Variants in IKZF1 observed in about 807,000 individuals in gnomAD.
IKZF1 encodes the protein DNA-binding protein Ikaros.
Under a neutral mutation model 51.7 loss-of-function variants are expected in IKZF1, and 10 were observed. The ratio of observed to expected loss-of-function variants is 0.19; its 90% confidence interval spans 0.12 to 0.33. The LOEUF (loss-of-function observed/expected upper bound fraction) is 0.33. Ranked by LOEUF, IKZF1 falls within the 10% of genes least tolerant of loss-of-function variation. IKZF1 has a pLI of 1.00. For missense variants in IKZF1, 484 were observed against 707.5 expected, an observed-to-expected ratio of 0.68 and a Z score of 3.58; for synonymous variants, 280 against 282.3, an observed-to-expected ratio of 0.99 and a Z score of 0.08.
At chr7:50,304,069 G>C (rs892933970), upstream of IKZF1, 8 of 144,554 alleles carry the variant, frequency 5.5e-5, no homozygotes, top group African/African-American at 1.2e-4. Flanking sequence ...GCGCCGAGCG[G>C]GCCCGGCGCG....
At chr7:50,335,228 G>A (rs1230475459) in intron 3 of IKZF1, among the ~76,000 whole-genome samples, 2 of 150,894 alleles carry the variant, frequency 1.3e-5, no homozygotes, top group Non-Finnish European at 3.0e-5. Context: ...TGGTGTGTAT[G>A]TGTGTGAGAT....
chr7:50,382,172 G>A (rs936679894), intron 4 of IKZF1, among the ~76,000 whole-genome samples: 2 of 151,988 alleles, frequency 1.3e-5, no homozygotes, highest in Non-Finnish European at 2.9e-5. Context: ...TTTGAAAAAA[G>A]CCACATTAAA....
intron 4 of IKZF1, among the ~76,000 whole-genome samples, chr7:50,378,089 G>A (rs966548329): frequency 6.6e-6 from 1 of 152,208 alleles, no homozygotes; most frequent in African/African-American, 2.4e-5. Flanking sequence ...AATTTTGTGA[G>A]CCAAAAAAGC....
intron 3 of IKZF1, among the ~76,000 whole-genome samples, chr7:50,373,588 A>G (rs1226852768): frequency 6.6e-6 from 1 of 152,094 alleles, no homozygotes; most frequent in Non-Finnish European, 1.5e-5. Flanking sequence ...GTATTTGAAA[A>G]ACTTGCCACA....
rs150553595 is a variant in IKZF1, at chr7:50,352,966, A to G, written c.161-23567A>G. 1.4e-3 allele frequency among the ~76,000 whole-genome samples: 209 copies of G among 152,300 alleles called. 1 individual carries two copies. Among genetic ancestry groups the G allele is most frequent in the African/African-American group, 4.5e-3 (189 of 41,562 alleles). On this transcript the variant is annotated intron_variant, in intron 3 of 7. Transcript: ENST00000331340. ...TCTTACATATTTTAAGAATTTTTTT[A>G]TACTTTGTTTTCTGCAAATGAAATA...
At chr7:50,313,640 G>A (rs913799291) in intron 1 of IKZF1, among the ~76,000 whole-genome samples, 2 of 152,184 alleles carry the variant, frequency 1.3e-5, no homozygotes, top group Admixed American at 1.3e-4. Flanking sequence ...TCAAGTGTCA[G>A]CTCTGTGGTT....
intron 3 of IKZF1, among the ~76,000 whole-genome samples, chr7:50,348,873 G>A (rs1801079511): frequency 6.6e-6 from 1 of 152,202 alleles, no homozygotes; most frequent in Admixed American, 6.5e-5. Context: ...CCGTGGGGCA[G>A]TTTATGTTAT....
At chr7:50,356,650 T>A (rs767437017) in intron 3 of IKZF1, among the ~76,000 whole-genome samples, 1 of 152,228 alleles carries the variant, frequency 6.6e-6, no homozygotes, top group Non-Finnish European at 1.5e-5. Flanking sequence ...TACTTCCCTT[T>A]CTGTCACTTC....
intron 3 of IKZF1, among the ~76,000 whole-genome samples, chr7:50,356,480 G>C (rs538811675): frequency 2.0e-4 from 30 of 152,318 alleles, no homozygotes; most frequent in Middle Eastern, 6.8e-3. Flanking sequence ...GAGTGTGTGA[G>C]TGTGTCTTTG....
At chr7:50,345,615 A>C (rs904479291) in intron 3 of IKZF1, among the ~76,000 whole-genome samples, 5 of 152,212 alleles carry the variant, frequency 3.3e-5, no homozygotes, top group Non-Finnish European at 5.9e-5. Flanking sequence ...AGAGGGGTGA[A>C]CCAGAAGAAT....
intron 1 of IKZF1, 135 bp downstream of exon 1, chr7:50,305,057 G>A (rs1788451052): frequency 6.6e-6 from 1 of 152,500 alleles, no homozygotes; most frequent in African/African-American, 2.4e-5. Context: ...TCTTTTCTGA[G>A]GACAGTGAGA....
At chr7:50,351,656 C>G (rs557022758) in intron 3 of IKZF1, among the ~76,000 whole-genome samples, 1 of 152,270 alleles carries the variant, frequency 6.6e-6, no homozygotes, top group East Asian at 1.9e-4. Context: ...TTCTAGAGCC[C>G]CTGCACTATC....
Position 50,403,067 on chromosome 7 carries a change from G to A in IKZF1, c.*2440G>A, listed in dbSNP as rs1818415578. ...AAAGCTCAAACCAGAACTGTAAATAGTGATTGCAGGAATTCTTTTCTAAAC... is the reference window on the plus strand; with the variant it reads ...AAAGCTCAAACCAGAACTGTAAATAATGATTGCAGGAATTCTTTTCTAAAC... On this transcript the variant is annotated 3_prime_UTR_variant, in exon 8 of 8. Coordinates refer to ENST00000331340, the MANE Select transcript of IKZF1 (RefSeq NM_006060.6). 1 of 223,990 alleles carries A rather than the reference G, an allele frequency of 4.5e-6. No homozygotes were observed. The highest frequency in any genetic ancestry group is 1.8e-4 in the South Asian group (1 of 5,464). The allele number at this position is 223,990 out of a possible 1,614,324, so 13.9% of individuals were successfully genotyped here.
intron 7 of IKZF1, among the ~76,000 whole-genome samples, chr7:50,393,603 G>A (rs1252423973): frequency 6.6e-6 from 1 of 152,238 alleles, no homozygotes; most frequent in Admixed American, 6.5e-5. Flanking sequence ...GAAAGCCACT[G>A]GCTGAGCCAG....
At chr7:50,395,533 C>T (rs1428519258) in intron 7 of IKZF1, among the ~76,000 whole-genome samples, 1 of 152,174 alleles carries the variant, frequency 6.6e-6, no homozygotes, top group Non-Finnish European at 1.5e-5. Flanking sequence ...AGTTCACATT[C>T]AGTGTTCCAG....
chr7:50,366,493 C>A (rs1806995312), intron 3 of IKZF1, among the ~76,000 whole-genome samples: 1 of 152,146 alleles, frequency 6.6e-6, no homozygotes, highest in Non-Finnish European at 1.5e-5. Context: ...GAAGACCTCC[C>A]CAGTGCTGTA....
intron 3 of IKZF1, among the ~76,000 whole-genome samples, chr7:50,358,381 G>A (rs1804147326): frequency 1.3e-5 from 2 of 152,258 alleles, no homozygotes; most frequent in East Asian, 3.8e-4. Flanking sequence ...AGAGGTGTGT[G>A]AGTAGTGGGC....
At chr7:50,307,892 G>A (rs1297044243) in intron 1 of IKZF1, among the ~76,000 whole-genome samples, 3 of 152,130 alleles carry the variant, frequency 2.0e-5, no homozygotes, top group South Asian at 2.1e-4. Context: ...AAAGGATATC[G>A]ACAGTAACAA....
At chr7:50,374,479 AGTT>A (rs1278094456) in intron 3 of IKZF1, among the ~76,000 whole-genome samples, 1 of 152,210 alleles carries the variant, frequency 6.6e-6, no homozygotes, top group African/African-American at 2.4e-5. Flanking sequence ...GACCTTAGCA[AGTT>A]GTTCAACCTC....
Sources: gnomAD v4.1 joint callset for allele counts (sites outside exome capture counted in the v4.1 genomes callset) on GRCh38, gnomAD v4.1.1 for gene constraint, MANE v1.5 for transcripts, NCBI Gene and HGNC (gene_info 2026-07-23, HGNC 2026-07-21) for gene names.